The following NTAN1 variants were observed in gnomAD, a reference collection of about 807,000 sequenced individuals.
NTAN1 encodes the protein N-terminal asparagine amidase, also known as protein N-terminal asparagine amidohydrolase.
A neutral mutation model predicts 41.9 loss-of-function variants in NTAN1; 32 were observed. That is an observed-to-expected ratio of 0.76 (90% confidence interval 0.58 to 1.03). The LOEUF (loss-of-function observed/expected upper bound fraction) is 1.03. Among genes scored for constraint, NTAN1 ranks in the 50% least tolerant of loss-of-function variants. The pLI, the probability that NTAN1 is intolerant of heterozygous loss-of-function variation, is 0.00. For synonymous variants in NTAN1, 140 were observed against 139.5 expected, an observed-to-expected ratio of 1.00 and a Z score of -0.03; for missense variants, 377 against 377.5, an observed-to-expected ratio of 1.00 and a Z score of 0.01.
intron 1 of NTAN1, 94 bp downstream of exon 1, chr16:15,055,797 A>C: frequency 1.5e-6 from 1 of 660,506 alleles, no homozygotes; most frequent in Non-Finnish European, 2.1e-6. Flanking sequence ...CAACAGCGCC[A>C]AGTTTCAAGT....
At chr16:15,044,294 T>C in intron 5 of NTAN1, 40 bp downstream of exon 5, 1 of 1,408,056 alleles carries the variant, frequency 7.1e-7, no homozygotes, top group Non-Finnish European at 1.0e-6. Flanking sequence ...GGTACATATT[T>C]ATGTCCAATT....
intron 4 of NTAN1, chr16:15,044,877 T>C (rs533545332): frequency 6.5e-6 from 1 of 154,052 alleles, no homozygotes; most frequent in African/African-American, 2.4e-5. Context: ...TCCCAGCACT[T>C]TGGGAGGCTG....
intron 4 of NTAN1, 127 bp from the exon 5 acceptor site, chr16:15,044,534 G>A (rs915265943): frequency 5.8e-6 from 4 of 688,560 alleles, no homozygotes; most frequent in Middle Eastern, 3.7e-4. Flanking sequence ...GGTCATCTTC[G>A]TGCCACCGCA....
In NTAN1 at chr16:15,049,607, G is replaced by A. The variant is rs867079591; in HGVS notation, c.82-1508C>T. On this transcript the variant is annotated intron_variant, in intron 1 of 9. Transcript: ENST00000287706. ...CCATGCCCAGCTTTTCGTATTTTTA[G>A]TAGAAACTGGGTTTCGCCATGTTGG... Among the ~76,000 whole-genome samples, 4 of 151,780 alleles carry A rather than the reference G, an allele frequency of 2.6e-5. No individual in the cohort carries two copies. In the South Asian group the frequency reaches 6.2e-4, roughly 24 times the overall value.
At chr16:15,044,702 G>A (rs1034842930) in intron 4 of NTAN1, 23 of 451,286 alleles carry the variant, frequency 5.1e-5, no homozygotes, top group African/African-American at 4.3e-4. Flanking sequence ...CACAGGCACA[G>A]GACAGGTGCA....
chr16:15,041,110 G>T lies in NTAN1; in HGVS notation c.499C>A (p.Arg167=). The change falls in exon 7 of 10, where the codon CGG becomes AGG. Residue 167 remains arginine, a synonymous_variant. Transcript: ENST00000287706. ...GGAAAGTGGTTTTCGTTTTCTTCCC[G>T]GTCATTTAATTCTACAAAATAAGAA... ...VTLCVTELND[R]EENENHFPVI... 2 of 1,567,492 alleles carry T rather than the reference G, an allele frequency of 1.3e-6. No homozygotes were observed. Among genetic ancestry groups the T allele is most frequent in the Non-Finnish European group, 1.8e-6 (2 of 1,137,604 alleles).
At chr16:15,048,258 A>T (rs2044156050) in intron 1 of NTAN1, among the ~76,000 whole-genome samples, 159 bp from the exon 2 acceptor site, 1 of 152,258 alleles carries the variant, frequency 6.6e-6, no homozygotes, top group Non-Finnish European at 1.5e-5. Flanking sequence ...GGCAGCAGCC[A>T]CGGTCATTCA....
At position 15,048,019 on chromosome 16, in the gene NTAN1, A is replaced by C. The variant is rs558834665; in HGVS notation, c.162T>G (p.Leu54=). The C allele has an allele frequency of 6.2e-7, 1 of 1,613,126 alleles. No individual in the cohort carries two copies. The highest frequency in any genetic ancestry group is 8.5e-7 in the Non-Finnish European group (1 of 1,179,052). The part of the protein sequence containing the change: ...QGLLYVQQRE[L]AVTSPKDGSI... The stretch of plus-strand genomic sequence containing the variant: ...TACCATCCTTTGGGGAGGTCACTGC[A>C]AGCTCTCTTTGCTGAACATACAGAA... Residue 54 remains leucine (L), a synonymous_variant, in exon 2 of 10, where the codon CTT becomes CTG. Transcript: ENST00000287706.
intron 4 of NTAN1, 79 bp downstream of exon 4, chr16:15,047,363 C>T (rs2044116686): frequency 1.1e-5 from 10 of 949,656 alleles, no homozygotes; most frequent in Non-Finnish European, 1.7e-5. Flanking sequence ...CTGTGTTCCC[C>T]TAACAGCTTC....
intron 1 of NTAN1, among the ~76,000 whole-genome samples, chr16:15,052,267 A>G (rs958624934): frequency 6.6e-6 from 1 of 152,212 alleles, no homozygotes; most frequent in African/African-American, 2.4e-5. Flanking sequence ...CGAAGTTTTA[A>G]TTTCAATACC....
intron 4 of NTAN1, among the ~76,000 whole-genome samples, chr16:15,046,454 T>C (rs2044067540): frequency 6.6e-6 from 1 of 152,112 alleles, no homozygotes; most frequent in Non-Finnish European, 1.5e-5. Flanking sequence ...AGCTCCTGTG[T>C]GCTCCAGCAC....
chr16:15,049,417 G>A (rs537245181), intron 1 of NTAN1, among the ~76,000 whole-genome samples: 1 of 150,708 alleles, frequency 6.6e-6, no homozygotes, highest in Non-Finnish European at 1.5e-5. Context: ...TCATCCCTGT[G>A]TTATTTCTTT....
At chr16:15,044,449 C>A (rs761061435) in intron 4 of NTAN1, 42 bp from the exon 5 acceptor site, 2 of 1,266,036 alleles carry the variant, frequency 1.6e-6, no homozygotes, top group South Asian at 2.4e-5. Context: ...GAAGAAGACA[C>A]CGGTGCGTGC....
At chr16:15,042,892 C>T (rs1452676203) in intron 5 of NTAN1, among the ~76,000 whole-genome samples, 2 of 149,370 alleles carry the variant, frequency 1.3e-5, no homozygotes, top group African/African-American at 4.9e-5. Flanking sequence ...GCCACCATGC[C>T]CAGCTAATTT....
At chr16:15,043,861 T>C (rs1427264860) in intron 5 of NTAN1, among the ~76,000 whole-genome samples, 1 of 152,004 alleles carries the variant, frequency 6.6e-6, no homozygotes, top group Non-Finnish European at 1.5e-5. Flanking sequence ...GGCAAGAGAA[T>C]TGCTTGAACC....
intron 1 of NTAN1, among the ~76,000 whole-genome samples, chr16:15,052,036 G>A (rs1157833119): frequency 4.0e-5 from 6 of 151,158 alleles, no homozygotes; most frequent in Non-Finnish European, 7.4e-5. Context: ...TTTTCCCTCA[G>A]TCCCTCATCC....
chr16:15,049,080 G>A (rs891413633), intron 1 of NTAN1, among the ~76,000 whole-genome samples: 10 of 147,298 alleles, frequency 6.8e-5, no homozygotes, highest in African/African-American at 1.0e-4. Context: ...TTTTTGTAGC[G>A]ACGGGGTCTC....
At chr16:15,047,753 TCCGC>T in intron 3 of NTAN1, 98 bp downstream of exon 3, 1 of 1,063,054 alleles carries the variant, frequency 9.4e-7, no homozygotes, top group South Asian at 1.3e-5. Flanking sequence ...GTAAGCGGAG[TCCGC>T]TTCCAACAAG....
Position 15,041,597 on chromosome 16 carries a change from G to A in NTAN1, c.487+26C>T, listed in dbSNP as rs1156734639. On this transcript the variant is annotated intron_variant, in intron 6 of 9. Transcript: ENST00000287706. Reference sequence around the variant, plus strand: ...AAACGGTCCTGAGACCCACATCTTTGCTTTGGGGCAAATGGCAGGACTTAC... The same window carrying A: ...AAACGGTCCTGAGACCCACATCTTTACTTTGGGGCAAATGGCAGGACTTAC... 1.9e-6 allele frequency: 3 copies of A among 1,573,592 alleles called. No homozygotes were observed. In the African/African-American group the frequency reaches 4.0e-5, roughly 21 times the overall value.
Sources: allele counts gnomAD v4.1 joint callset (sites outside exome capture counted in the v4.1 genomes callset), GRCh38; gene constraint gnomAD v4.1.1; transcripts MANE v1.5; gene names NCBI Gene and HGNC (gene_info 2026-07-23, HGNC 2026-07-21).